Variants in ZBTB16 observed in about 807,000 individuals in gnomAD.
ZBTB16 encodes the protein zinc finger and BTB domain-containing protein 16.
ZBTB16 carries 8 observed loss-of-function variants against 56.8 expected under a neutral mutation model. That is an observed-to-expected ratio of 0.14 (90% confidence interval 0.08 to 0.25). The LOEUF is 0.25. ZBTB16 is among the 10% of genes least tolerant of loss of function. ZBTB16 has a pLI of 1.00. For missense variants in ZBTB16, 625 were observed against 903.0 expected (o/e 0.69, Z 3.95); for synonymous variants, 363 against 368.5 (o/e 0.98, Z 0.17).
chr11:114,222,088 A>G lies in ZBTB16; in HGVS notation c.1454-20079A>G, dbSNP rs1944241285. On this transcript the variant is annotated intron_variant, in intron 4 of 6. Transcript: ENST00000335953. ...GGTGGTGTGGAATCGTGCTTGGTGG[A>G]AGCATCTTTTGAATCACAGGGTCTT... Among the ~76,000 whole-genome samples the G allele has an allele frequency of 2.0e-5, 3 of 152,234 alleles. No homozygotes were observed. In the South Asian group the frequency reaches 6.2e-4, roughly 32 times the overall value.
At chr11:114,061,656 G>C (rs1279432360) in intron 1 of ZBTB16, 1 of 152,266 alleles carries the variant, frequency 6.6e-6, no homozygotes, top group East Asian at 1.9e-4. Context: ...AGACAGACAC[G>C]GGGAGGGTCC....
intron 2 of ZBTB16, among the ~76,000 whole-genome samples, chr11:114,124,557 C>CAAAAAAAAAAAAAAACA (rs1941443005): frequency 3.2e-4 from 13 of 40,932 alleles, no homozygotes; most frequent in East Asian, 7.2e-4. Flanking sequence ...AAAAAAAAAC[C>CAAAAAAAAAAAAAAACA]AAAAAAAAAA....
intron 4 of ZBTB16, among the ~76,000 whole-genome samples, chr11:114,237,803 A>G (rs765376890): frequency 6.6e-5 from 10 of 152,202 alleles, no homozygotes; most frequent in Admixed American, 1.3e-4. Flanking sequence ...CTTGTGTCTC[A>G]TCCACATCTC....
intron 4 of ZBTB16, chr11:114,189,398 C>A (rs1565676198): frequency 6.6e-6 from 1 of 152,176 alleles, no homozygotes; most frequent in South Asian, 2.1e-4. Flanking sequence ...ACACCCACTA[C>A]AATGTGGCTA....
At chr11:114,082,404 C>T (rs1337170764) in intron 2 of ZBTB16, among the ~76,000 whole-genome samples, 1 of 152,214 alleles carries the variant, frequency 6.6e-6, no homozygotes, top group African/African-American at 2.4e-5. Flanking sequence ...ACACACTCTG[C>T]ACAGTGCCTG....
chr11:114,090,526 C>T lies in ZBTB16; in HGVS notation c.1268+25958C>T, dbSNP rs73000943. 2.6e-3 allele frequency among the ~76,000 whole-genome samples: 397 copies of T among 152,298 alleles called. 1 individual carries two copies. The highest frequency in any genetic ancestry group is 3.9e-3 in the Non-Finnish European group (268 of 68,024). Reference sequence around the variant, plus strand: ...CCTCTTTCCACCCCCATCATAAACACGTGTGGACTTTCTGGTGGTGAGAAG... The same window carrying T: ...CCTCTTTCCACCCCCATCATAAACATGTGTGGACTTTCTGGTGGTGAGAAG... On this transcript the variant is annotated intron_variant, in intron 2 of 6. Transcript: ENST00000335953.
At chr11:114,199,831 A>T (rs1342585447) in intron 4 of ZBTB16, among the ~76,000 whole-genome samples, 1 of 152,226 alleles carries the variant, frequency 6.6e-6, no homozygotes, top group Non-Finnish European at 1.5e-5. Context: ...AGAACTACAT[A>T]AAACCATACA....
At chr11:114,142,980 G>A in intron 2 of ZBTB16, among the ~76,000 whole-genome samples, 1 of 152,188 alleles carries the variant, frequency 6.6e-6, no homozygotes, top group East Asian at 1.9e-4. Context: ...GGAGGAGTTA[G>A]TGAGTGGGGC....
intron 2 of ZBTB16, among the ~76,000 whole-genome samples, chr11:114,120,718 G>T (rs371199497): frequency 2.6e-5 from 4 of 152,178 alleles, no homozygotes; most frequent in Non-Finnish European, 5.9e-5. Context: ...GGGTCTAAAG[G>T]GTGGCAGTGT....
chr11:114,183,694 GA>G (rs1943302135), intron 3 of ZBTB16, among the ~76,000 whole-genome samples: 1 of 152,202 alleles, frequency 6.6e-6, no homozygotes, highest in Admixed American at 6.5e-5. Context: ...CAGATCCACA[GA>G]AAATCATTGA....
chr11:114,206,302 G>A (rs1038962127), intron 4 of ZBTB16, among the ~76,000 whole-genome samples: 1 of 152,208 alleles, frequency 6.6e-6, no homozygotes, highest in Non-Finnish European at 1.5e-5. Flanking sequence ...GCATGATGCT[G>A]AGCTTCAGAG....
chr11:114,234,665 G>A (rs1944525548), intron 4 of ZBTB16, among the ~76,000 whole-genome samples: 1 of 152,182 alleles, frequency 6.6e-6, no homozygotes, highest in Non-Finnish European at 1.5e-5. Context: ...ATAGCACAGG[G>A]GAAGTCAAAA....
At chr11:114,163,186 C>T (rs1442324971) in intron 3 of ZBTB16, among the ~76,000 whole-genome samples, 3 of 150,076 alleles carry the variant, frequency 2.0e-5, no homozygotes, top group East Asian at 2.0e-4. Context: ...CCCCCCAACC[C>T]GTCCTCAGTC....
At chr11:114,106,162 C>T (rs547348366) in intron 2 of ZBTB16, among the ~76,000 whole-genome samples, 4 of 152,138 alleles carry the variant, frequency 2.6e-5, no homozygotes, top group Non-Finnish European at 5.9e-5. Flanking sequence ...GATGGTGCCT[C>T]TCTGCCTCTC....
At chr11:114,137,228 A>G (rs1175735443) in intron 2 of ZBTB16, among the ~76,000 whole-genome samples, 2 of 152,180 alleles carry the variant, frequency 1.3e-5, no homozygotes, top group South Asian at 2.1e-4. Flanking sequence ...GAAGTCTGCT[A>G]TTCTCATCTC....
intron 2 of ZBTB16, among the ~76,000 whole-genome samples, chr11:114,065,828 C>G (rs938051257): frequency 1.3e-5 from 2 of 152,176 alleles, no homozygotes; most frequent in Admixed American, 1.3e-4. Context: ...GTCCTTACCC[C>G]CTGGTACTTT....
At chr11:114,117,041 G>A (rs1355106751) in intron 2 of ZBTB16, among the ~76,000 whole-genome samples, 1 of 152,174 alleles carries the variant, frequency 6.6e-6, no homozygotes, top group Non-Finnish European at 1.5e-5. Flanking sequence ...ATAAGGCTTT[G>A]CTGAGAAGGT....
intron 2 of ZBTB16, among the ~76,000 whole-genome samples, chr11:114,108,205 C>T (rs868740981): frequency 6.6e-6 from 1 of 152,034 alleles, no homozygotes; most frequent in Middle Eastern, 3.2e-3. Context: ...CTCTGAGACC[C>T]CAGGCCCGGA....
chr11:114,175,134 A>C (rs998009912), intron 3 of ZBTB16, among the ~76,000 whole-genome samples: 1 of 152,222 alleles, frequency 6.6e-6, no homozygotes, highest in Non-Finnish European at 1.5e-5. Flanking sequence ...GACACCACTC[A>C]CTCAGAAATG....
Sources: gnomAD v4.1 joint callset for allele counts (sites outside exome capture counted in the v4.1 genomes callset) on GRCh38, gnomAD v4.1.1 for gene constraint, MANE v1.5 for transcripts, NCBI Gene and HGNC (gene_info 2026-07-23, HGNC 2026-07-21) for gene names.